The following STS variants were observed in gnomAD, a reference collection of about 807,000 sequenced individuals.
The protein encoded by STS is steryl-sulfatase.
In STS, 7 loss-of-function variants were observed where a neutral mutation model predicts 26.8. The observed-to-expected ratio is 0.26, with a 90% confidence interval of 0.15 to 0.49. The LOEUF (loss-of-function observed/expected upper bound fraction) is 0.49. STS is among the 20% of genes least tolerant of loss of function. The pLI is 0.98. For missense variants in STS, 434 were observed against 465.6 expected (o/e 0.93, Z 0.63); for synonymous variants, 199 against 189.4 (o/e 1.05, Z -0.42).
intron 10 of STS, 80 bp from the exon 11 acceptor site, chrX:7,349,808 A>G: frequency 2.5e-6 from 3 of 1,176,894 alleles, no homozygotes; most frequent in Non-Finnish European, 2.3e-6. Context: ...TGGCAGCATA[A>G]TTTCCGCATC....
chrX:7,350,974 C>A lies in STS; in HGVS notation c.*713C>A, dbSNP rs1463128144. ...CTAAAATAGGGACCTAGAAGCTTAA[C>A]ACTATTTAAGTAAATACAGTAGAAG... On this transcript the variant is annotated 3_prime_UTR_variant, in exon 11 of 11. Transcript: ENST00000674429. The A allele has an allele frequency of 1.8e-5, 2 of 112,450 alleles. No individual in the cohort carries two copies. The highest frequency in any genetic ancestry group is 3.8e-5 in the Non-Finnish European group (2 of 53,310). 9.3% of individuals were successfully genotyped at this position (112,450 alleles called of 1,213,427 possible). A position where few individuals can be genotyped will look rare whatever the true frequency, so the allele number is the denominator to read the frequency against.
chrX:7,257,023 G>A (rs1380772996), intron 3 of STS, among the ~76,000 whole-genome samples: 2 of 111,770 alleles, frequency 1.8e-5, no homozygotes, highest in Non-Finnish European at 3.8e-5. Flanking sequence ...AGGCTGAGGC[G>A]GGCAGATCAC....
intron 2 of STS, among the ~76,000 whole-genome samples, chrX:7,196,961 A>T (rs1230522745): frequency 1.8e-5 from 2 of 111,063 alleles, no homozygotes; most frequent in South Asian, 3.8e-4. Context: ...GAATTTCAGA[A>T]CCAGGCCTGG....
intron 1 of STS, among the ~76,000 whole-genome samples, chrX:7,152,378 G>A (rs1309671434): frequency 1.8e-5 from 2 of 111,242 alleles, no homozygotes; most frequent in African/African-American, 3.3e-5. Context: ...GTGCAGTGGC[G>A]TGAAGTCGGC....
chrX:7,147,462 C>T (rs954841727), upstream of STS, among the ~76,000 whole-genome samples: 1 of 111,844 alleles, frequency 8.9e-6, no homozygotes, highest in African/African-American at 3.3e-5. Flanking sequence ...TCACTCCTCG[C>T]CAGCTGTGAC....
At chrX:7,260,590 G>A (rs747462569) in intron 6 of STS, among the ~76,000 whole-genome samples, 21 of 110,711 alleles carry the variant, frequency 1.9e-4, no homozygotes, top group African/African-American at 6.2e-4. Context: ...TCTATTTTTA[G>A]TAGAGACAGG....
chrX:7,204,562 C>G (rs1281654264), intron 2 of STS, among the ~76,000 whole-genome samples: 7 of 91,367 alleles, frequency 7.7e-5, no homozygotes, highest in African/African-American at 2.4e-4. Context: ...CCTTCCCTTC[C>G]TTTTCTTCCT....
rs747087410 is a variant in STS at position 7,257,226 on chromosome X, G to A, written c.138-16G>A. 4.7e-5 allele frequency: 57 copies of A among 1,208,217 alleles called. No homozygotes were observed. In the East Asian group the frequency reaches 1.6e-3, roughly 33 times the overall value. ...AAATGAAAATGATCACAAATGCTATGATTCTTTTGTTCTAGGACTCCCAAT... is the reference window on the plus strand; with the variant it reads ...AAATGAAAATGATCACAAATGCTATAATTCTTTTGTTCTAGGACTCCCAAT... On this transcript the variant is annotated splice_polypyrimidine_tract_variant and intron_variant, in intron 3 of 10. Transcript: ENST00000674429.
chrX:7,314,254 G>A (rs1926610609), intron 8 of STS, among the ~76,000 whole-genome samples: 1 of 111,499 alleles, frequency 9.0e-6, no homozygotes, highest in Non-Finnish European at 1.9e-5. Flanking sequence ...TACTCCAGAG[G>A]CTTGAGATGG....
chrX:7,223,037 T>C (rs1202909787), intron 2 of STS, among the ~76,000 whole-genome samples: 1 of 112,188 alleles, frequency 8.9e-6, no homozygotes, highest in Admixed American at 9.4e-5. Context: ...GTAATGATAA[T>C]GACCTTTAGT....
rs1924547925 is a variant in STS, at chrX:7,276,538, A to G, written c.943+451A>G. ...GTTCCTAGTGGATACATTTCAGGGG[A>G]AGTCTAGTCTGTGGGCTGCAGATGG... On this transcript the variant is annotated intron_variant, in intron 7 of 10. Coordinates refer to ENST00000674429, the MANE Select transcript of STS (RefSeq NM_001320752.2). Among the ~76,000 whole-genome samples the G allele has an allele frequency of 1.8e-5, 2 of 112,243 alleles. 1 individual carries two copies. The highest frequency in any genetic ancestry group is 3.8e-5 in the Non-Finnish European group (2 of 53,255).
chrX:7,288,029 TC>T (rs1191455252), intron 7 of STS, among the ~76,000 whole-genome samples: 10 of 110,803 alleles, frequency 9.0e-5, no homozygotes, highest in Non-Finnish European at 1.9e-4. Flanking sequence ...TTGTATTTCT[TC>T]TCCCAAGGAT....
At chrX:7,215,272 A>G (rs1195884813) in intron 2 of STS, among the ~76,000 whole-genome samples, 2 of 107,452 alleles carry the variant, frequency 1.9e-5, no homozygotes, top group African/African-American at 6.8e-5. Flanking sequence ...TCTTTTTTGT[A>G]TAATGACTTC....
chrX:7,302,829 A>C (rs1278873378), intron 7 of STS, among the ~76,000 whole-genome samples: 2 of 111,134 alleles, frequency 1.8e-5, no homozygotes, highest in East Asian at 5.7e-4. Flanking sequence ...ATGTATTCCA[A>C]ATCCTATATT....
chrX:7,238,630 A>G (rs1247345184), intron 2 of STS, among the ~76,000 whole-genome samples: 2 of 111,061 alleles, frequency 1.8e-5, no homozygotes, highest in Non-Finnish European at 3.8e-5. Flanking sequence ...AGAGTTTGTG[A>G]TAAACCTGGA....
rs141118787 is a variant in STS, at chrX:7,329,260, A to G, written c.1241+3762A>G. 2.6e-3 allele frequency among the ~76,000 whole-genome samples: 289 copies of G among 112,327 alleles called. 4 individuals are homozygous for G. The highest frequency in any genetic ancestry group is 8.8e-3 in the African/African-American group (272 of 30,944). ...TAGTGTTTTCCCCCAGGGGTCACTT[A>G]TCAATGCCTGGAGACATTTTTTATT... On this transcript the variant is annotated intron_variant, in intron 9 of 10. Coordinates refer to ENST00000674429, the MANE Select transcript of STS (RefSeq NM_001320752.2).
chrX:7,276,036 A>G lies in STS; in HGVS notation c.892A>G (p.Ser298Gly), dbSNP rs1440361615. ...LFSSKDFAGK[S>G]QHGVYGDAVE... ...CTCCAGCAAAGACTTTGCTGGCAAA[A>G]GTCAACACGGAGTCTACGGGGATGC... is the stretch of plus-strand genomic sequence containing the variant. The change falls in exon 7 of 11, where the codon AGT becomes GGT. Residue 298 changes from serine (S) to glycine (G), a missense_variant. Physicochemically the swap from Ser to Gly is moderately conservative, Grantham distance 56 (BLOSUM62 0). Transcript: ENST00000674429. 1 of 1,204,002 alleles carries G rather than the reference A, an allele frequency of 8.3e-7. No homozygotes were observed. The highest frequency in any genetic ancestry group is 1.8e-5 in the African/African-American group (1 of 55,493).
At chrX:7,320,094 TA>T (rs1261576518) in intron 8 of STS, among the ~76,000 whole-genome samples, 1 of 95,603 alleles carries the variant, frequency 1.0e-5, no homozygotes, top group Admixed American at 1.3e-4. Flanking sequence ...TAGTTATATA[TA>T]TTTTTTGTAT....
chrX:7,167,361 G>A (rs1485778705), intron 1 of STS, among the ~76,000 whole-genome samples: 11 of 109,599 alleles, frequency 1.0e-4, no homozygotes, highest in African/African-American at 3.3e-4. Flanking sequence ...GACTACAGGC[G>A]TGTGCCACCA....
Sources: allele counts gnomAD v4.1 joint callset (sites outside exome capture counted in the v4.1 genomes callset), GRCh38; gene constraint gnomAD v4.1.1; transcripts MANE v1.5; gene names NCBI Gene and HGNC (gene_info 2026-07-23, HGNC 2026-07-21).